Variants in PRKN observed in about 807,000 individuals in gnomAD.
The protein encoded by PRKN is parkin RBR E3 ubiquitin protein ligase, also known as E3 ubiquitin-protein ligase parkin.
PRKN carries 56 observed loss-of-function variants against 59.5 expected under a neutral mutation model. The ratio of observed to expected loss-of-function variants is 0.94; its 90% CI spans 0.76 to 1.18. The LOEUF (loss-of-function observed/expected upper bound fraction) is 1.18. PRKN is among the 50% of genes most tolerant of loss of function. The pLI, the probability that PRKN is intolerant of heterozygous loss-of-function variation, is 0.00. For missense variants in PRKN, 657 were observed against 596.4 expected (o/e 1.10, Z -1.06); for synonymous variants, 250 against 222.1 (o/e 1.13, Z -1.12).
At chr6:161,973,550 G>A in intron 5 of PRKN, 133 bp from the exon 6 acceptor site, 1 of 690,522 alleles carries the variant, frequency 1.4e-6, no homozygotes, top group Non-Finnish European at 2.6e-6. Context: ...AAATAAATCA[G>A]CATCAAACCT....
At position 161,454,358 on chromosome 6, in the gene PRKN, C is replaced by T. The variant is rs79335614; in HGVS notation, c.1084-67481G>A. Among the ~76,000 whole-genome samples, 7,367 of 152,200 alleles carry T rather than the reference C, an allele frequency of 0.048. 204 individuals carry two copies. Among genetic ancestry groups the T allele is most frequent in the African/African-American group, 0.071 (2,938 of 41,534 alleles). ...GGGTAATTCTCCATACTCTGAAGTT[C>T]TTGAAGAAGGCACTGGCTGGGGTTA... On this transcript the variant is annotated intron_variant, in intron 9 of 11. Coordinates refer to ENST00000366898, the MANE Select transcript of PRKN (RefSeq NM_004562.3). This position sits in a 1 kb window ranked among gnomAD's most constrained non-coding sequence, Gnocchi z 4.6.
chr6:162,053,989 G>A (rs1777755193), intron 5 of PRKN, 102 bp downstream of exon 5: 1 of 853,176 alleles, frequency 1.2e-6, no homozygotes, highest in Non-Finnish European at 2.1e-6. Flanking sequence ...ATTATTAGAT[G>A]GAAGAACAGT....
intron 2 of PRKN, among the ~76,000 whole-genome samples, chr6:162,353,097 G>A (rs925715327): frequency 6.6e-6 from 1 of 152,110 alleles, no homozygotes; most frequent in Non-Finnish European, 1.5e-5. Context: ...GTTTTTAGAA[G>A]TTCTCACTAA....
chr6:162,242,453 T>C (rs138078036), intron 3 of PRKN, among the ~76,000 whole-genome samples: 56 of 152,252 alleles, frequency 3.7e-4, no homozygotes, highest in South Asian at 1.7e-3. Flanking sequence ...AAGTAATGTG[T>C]TCCTTTATTT....
At chr6:162,030,808 G>C (rs954217882) in intron 5 of PRKN, among the ~76,000 whole-genome samples, 2 of 152,136 alleles carry the variant, frequency 1.3e-5, no homozygotes, top group African/African-American at 4.8e-5. Context: ...TACAGGTGAT[G>C]GACACCCTCC....
chr6:162,012,510 T>G (rs1782770294), intron 5 of PRKN, among the ~76,000 whole-genome samples: 1 of 152,106 alleles, frequency 6.6e-6, no homozygotes. Context: ...GGATGTCCCT[T>G]TACCCCTAAA....
intron 2 of PRKN, among the ~76,000 whole-genome samples, chr6:162,402,662 T>C (rs1321692674): frequency 2.8e-5 from 1 of 36,296 alleles, no homozygotes; most frequent in African/African-American, 6.3e-5. Context: ...TTTATTTCCT[T>C]TTTTTTTTTT....
At chr6:162,637,273 G>A (rs1033562886) in intron 1 of PRKN, among the ~76,000 whole-genome samples, 10 of 106,144 alleles carry the variant, frequency 9.4e-5, no homozygotes, top group Non-Finnish European at 1.4e-4. Flanking sequence ...CCTCCCACCC[G>A]CCCCCCCCCC....
In PRKN at chr6:162,611,968, A is replaced by G. The variant is rs183518267; in HGVS notation, c.7+115694T>C. On this transcript the variant is annotated intron_variant, in intron 1 of 11. Coordinates refer to ENST00000366898, the MANE Select transcript of PRKN (RefSeq NM_004562.3). ...TGGGAGGCCAAGGCGGGCGTATCAT[A>G]AGGTCAGGAGATCGAGACCATCCTG... Among the ~76,000 whole-genome samples the G allele has an allele frequency of 4.9e-3, 738 of 151,694 alleles. 5 individuals carry two copies. The highest frequency in any genetic ancestry group is 0.013 in the East Asian group (65 of 5,128).
chr6:161,415,249 C>T (rs1787784179), intron 9 of PRKN, among the ~76,000 whole-genome samples: 1 of 152,094 alleles, frequency 6.6e-6, no homozygotes, highest in Non-Finnish European at 1.5e-5. Context: ...GAGAGGCCTC[C>T]CCATTTTCTG....
chr6:162,679,074 C>CTTTATTTATTTATTTATTTA (rs71008105), intron 1 of PRKN, among the ~76,000 whole-genome samples: 143 of 138,186 alleles, frequency 1.0e-3, no homozygotes, highest in East Asian at 5.2e-3. Flanking sequence ...TGTGCCTGGC[C>CTTTATTTATTTATTTATTTA]TTTATTTATT....
chr6:161,787,074 T>C (rs117570383), intron 6 of PRKN, among the ~76,000 whole-genome samples: 2,401 of 152,286 alleles, frequency 0.016, 35 homozygotes, highest in Admixed American at 0.024. Flanking sequence ...ATTTCCTATG[T>C]AATTGTAACA....
At position 162,029,197 on chromosome 6, in the gene PRKN, A is replaced by C. The variant is rs559360454; in HGVS notation, c.618+24894T>G. Among the ~76,000 whole-genome samples, 14 of 152,102 alleles carry C rather than the reference A, an allele frequency of 9.2e-5. No homozygotes were observed. In the East Asian group the frequency reaches 2.5e-3, roughly 27 times the overall value. On this transcript the variant is annotated intron_variant, in intron 5 of 11. Transcript: ENST00000366898. ...AACAAACCCACCCACCTCCACCCCC[A>C]CACATGATACAGAGAAATTCAGTCA...
At chr6:161,432,267 A>G (rs1439982131) in intron 9 of PRKN, among the ~76,000 whole-genome samples, 15 of 151,968 alleles carry the variant, frequency 9.9e-5, no homozygotes, top group Admixed American at 9.8e-4. Flanking sequence ...ATCTTGCAAG[A>G]TAGATATCTA....
chr6:161,477,703 T>C (rs1791173688), intron 9 of PRKN, among the ~76,000 whole-genome samples: 1 of 152,168 alleles, frequency 6.6e-6, no homozygotes, highest in Non-Finnish European at 1.5e-5. Flanking sequence ...GTTTTCTGTA[T>C]CACAAATGGG....
In PRKN at chr6:161,388,362, C is replaced by G. The variant is rs1399409247; in HGVS notation, c.1084-1485G>C. ...TAAGAACAACAGGGACTATTTTGCCCCTACTCCATTTCATAGGAAGGAGTT... is the reference window on the plus strand; with the variant it reads ...TAAGAACAACAGGGACTATTTTGCCGCTACTCCATTTCATAGGAAGGAGTT... On this transcript the variant is annotated intron_variant, in intron 9 of 11. Coordinates refer to ENST00000366898, the MANE Select transcript of PRKN (RefSeq NM_004562.3). This position sits in a 1 kb window ranked among gnomAD's most constrained non-coding sequence, Gnocchi z 4.3. Among the ~76,000 whole-genome samples the G allele has an allele frequency of 6.6e-6, 1 of 152,174 alleles. No homozygotes were observed. The highest frequency in any genetic ancestry group is 1.5e-5 in the Non-Finnish European group (1 of 68,038).
chr6:162,682,279 T>C (rs1779799706), intron 1 of PRKN, among the ~76,000 whole-genome samples: 1 of 151,902 alleles, frequency 6.6e-6, no homozygotes, highest in African/African-American at 2.4e-5. Flanking sequence ...GGAATATAAA[T>C]TGTCCTACCA....
chr6:162,530,184 AATT>A (rs1778454799), intron 1 of PRKN, among the ~76,000 whole-genome samples: 1 of 151,880 alleles, frequency 6.6e-6, no homozygotes, highest in African/African-American at 2.4e-5. Context: ...CCCAGGAGTT[AATT>A]ATTAGTTAAC....
At chr6:162,560,681 G>T (rs1562386225) in intron 1 of PRKN, among the ~76,000 whole-genome samples, 1 of 151,878 alleles carries the variant, frequency 6.6e-6, no homozygotes, top group South Asian at 2.1e-4. Flanking sequence ...ATATTTCTCT[G>T]AAGTATAAAT....
Sources: gnomAD v4.1 joint callset for allele counts (sites outside exome capture counted in the v4.1 genomes callset) on GRCh38, gnomAD v4.1.1 for gene constraint, Gnocchi (gnomAD v3.1) non-coding constraint, MANE v1.5 for transcripts, NCBI Gene and HGNC (gene_info 2026-07-23, HGNC 2026-07-21) for gene names.